Variants in CNTLN observed in about 807,000 individuals in gnomAD.
CNTLN encodes centlein, centrosomal protein.
CNTLN carries 212 observed loss-of-function variants against 180.0 expected under a neutral mutation model. The observed-to-expected ratio is 1.18, with a 90% confidence interval of 1.05 to 1.32. CNTLN has a LOEUF of 1.32. Ranked by LOEUF, CNTLN falls within the 40% of genes most tolerant of loss-of-function variation. CNTLN has a pLI of 0.00. For synonymous variants in CNTLN, 722 were observed against 563.1 expected, an observed-to-expected ratio of 1.28 and a Z score of -3.99; for missense variants, 2,095 against 1,610.9, an observed-to-expected ratio of 1.30 and a Z score of -5.14.
chr9:17,306,146 A>AC (rs1348699362), intron 7 of CNTLN, among the ~76,000 whole-genome samples: 20 of 127,996 alleles, frequency 1.6e-4, no homozygotes, highest in Admixed American at 4.9e-4. Flanking sequence ...TTAGTCGTCT[A>AC]TTTTTTTTTT....
intron 23 of CNTLN, among the ~76,000 whole-genome samples, chr9:17,477,355 A>T (rs1001520526): frequency 6.6e-6 from 1 of 152,158 alleles, no homozygotes; most frequent in Non-Finnish European, 1.5e-5. Flanking sequence ...AAAGTTGAAG[A>T]CTTTAAAGTC....
intron 2 of CNTLN, among the ~76,000 whole-genome samples, chr9:17,182,983 G>T (rs1268142204): frequency 6.6e-6 from 1 of 152,178 alleles, no homozygotes; most frequent in African/African-American, 2.4e-5. Flanking sequence ...GTCATTAGTT[G>T]TTACTGGAGG....
intron 8 of CNTLN, among the ~76,000 whole-genome samples, chr9:17,322,196 T>C (rs1249807750): frequency 6.6e-6 from 1 of 152,114 alleles, no homozygotes; most frequent in Non-Finnish European, 1.5e-5. Context: ...TGATATTTAA[T>C]CAATTTTCAG....
intron 18 of CNTLN, chr9:17,448,257 T>C (rs1830563580): frequency 6.4e-6 from 1 of 156,828 alleles, no homozygotes; most frequent in Admixed American, 6.4e-5. Flanking sequence ...GTCTAAAAAA[T>C]TCCTGGATGA....
At chr9:17,421,387 G>C (rs564695537) in intron 18 of CNTLN, among the ~76,000 whole-genome samples, 1 of 151,870 alleles carries the variant, frequency 6.6e-6, no homozygotes, top group East Asian at 1.9e-4. Context: ...AGTATAGCTA[G>C]TCATGTTCTT....
intron 12 of CNTLN, among the ~76,000 whole-genome samples, chr9:17,348,582 G>A (rs1224878278): frequency 1.3e-5 from 2 of 149,436 alleles, no homozygotes; most frequent in Non-Finnish European, 3.0e-5. Flanking sequence ...CCAGGCTGCA[G>A]TGCAGTGGAG....
At chr9:17,493,575 C>G (rs1327897978) in intron 25 of CNTLN, among the ~76,000 whole-genome samples, 2 of 152,118 alleles carry the variant, frequency 1.3e-5, no homozygotes, top group Non-Finnish European at 2.9e-5. Flanking sequence ...CCTATGTCAC[C>G]TCATTCTGTT....
chr9:17,227,604 G>A (rs1183303245), intron 3 of CNTLN, among the ~76,000 whole-genome samples: 2 of 151,648 alleles, frequency 1.3e-5, no homozygotes, highest in Admixed American at 1.3e-4. Flanking sequence ...ACCAATTAAA[G>A]GTTCATGAGA....
intron 6 of CNTLN, among the ~76,000 whole-genome samples, chr9:17,287,168 T>C (rs1378427991): frequency 3.4e-5 from 5 of 148,726 alleles, no homozygotes; most frequent in Non-Finnish European, 7.4e-5. Flanking sequence ...CTTATTATTT[T>C]GAAATACGTC....
At chr9:17,231,610 T>A (rs768885116) in intron 3 of CNTLN, among the ~76,000 whole-genome samples, 1 of 152,184 alleles carries the variant, frequency 6.6e-6, no homozygotes, top group Non-Finnish European at 1.5e-5. Context: ...TCAGAAGTTT[T>A]GTTTCATAAT....
chr9:17,192,067 A>G lies in CNTLN; in HGVS notation c.450-34136A>G, dbSNP rs965808634. Among the ~76,000 whole-genome samples, 8 of 152,158 alleles carry G rather than the reference A, an allele frequency of 5.3e-5. No homozygotes were observed. In the South Asian group the frequency reaches 1.2e-3, roughly 24 times the overall value. On this transcript the variant is annotated intron_variant, in intron 2 of 25. Coordinates refer to ENST00000380647, the MANE Select transcript of CNTLN (RefSeq NM_017738.4). ...CTGTACCTTGTGGGAAAATATTCCT[A>G]TATACTATCATAAGTATACATTTGT...
rs140976468 is a variant in CNTLN at position 17,496,670 on chromosome 9, T to A, written c.4120-5881T>A. ...GAACTCGGAGTTTGTATCCATGTGA[T>A]AAACATTGGTATTCACACCTAGTCC... On this transcript the variant is annotated intron_variant, in intron 25 of 25. Transcript: ENST00000380647. 4.4e-3 allele frequency among the ~76,000 whole-genome samples: 663 copies of A among 152,334 alleles called. 5 individuals are homozygous for A. Among genetic ancestry groups the A allele is most frequent in the African/African-American group, 0.014 (601 of 41,580 alleles).
At chr9:17,175,751 A>C (rs916906879) in intron 2 of CNTLN, among the ~76,000 whole-genome samples, 56 of 152,102 alleles carry the variant, frequency 3.7e-4, no homozygotes, top group African/African-American at 1.3e-3. Flanking sequence ...CCATGGACAT[A>C]AGATGTCTCT....
intron 5 of CNTLN, among the ~76,000 whole-genome samples, chr9:17,267,976 G>T (rs1170777943): frequency 6.6e-6 from 1 of 151,876 alleles, no homozygotes; most frequent in Admixed American, 6.6e-5. Context: ...TTTCCCATTG[G>T]TTTGAATTTC....
chr9:17,431,500 TTTGTTGA>T (rs1353925089), intron 18 of CNTLN, among the ~76,000 whole-genome samples: 4 of 149,506 alleles, frequency 2.7e-5, no homozygotes, highest in Non-Finnish European at 2.9e-5. Flanking sequence ...ACGTTGTCTC[TTTGTTGA>T]TTGTTTCCAT....
intron 5 of CNTLN, among the ~76,000 whole-genome samples, chr9:17,259,081 G>A (rs1563928555): frequency 6.9e-6 from 1 of 145,136 alleles, no homozygotes; most frequent in Non-Finnish European, 1.5e-5. Context: ...TCCAGTTTTT[G>A]CCCATTCAGT....
intron 7 of CNTLN, among the ~76,000 whole-genome samples, chr9:17,307,459 G>A (rs563289659): frequency 2.2e-4 from 34 of 152,058 alleles, no homozygotes; most frequent in Admixed American, 2.0e-4. Context: ...TGGTAGAGAC[G>A]GGGATTCGTC....
chr9:17,156,103 G>T (rs1421344078), intron 2 of CNTLN, among the ~76,000 whole-genome samples: 3 of 152,192 alleles, frequency 2.0e-5, no homozygotes, highest in Non-Finnish European at 4.4e-5. Context: ...GGGTACTTCA[G>T]TTGGAAATGC....
intron 15 of CNTLN, 24 bp from the exon 16 acceptor site, chr9:17,409,269 A>C (rs747430674): frequency 6.3e-7 from 1 of 1,597,500 alleles, no homozygotes; most frequent in Non-Finnish European, 8.5e-7. Flanking sequence ...CTTGGATTTT[A>C]TGTCCCTACT....
Sources: allele counts gnomAD v4.1 joint callset (sites outside exome capture counted in the v4.1 genomes callset), GRCh38; gene constraint gnomAD v4.1.1; transcripts MANE v1.5; gene names NCBI Gene and HGNC (gene_info 2026-07-23, HGNC 2026-07-21).